Variants in NUDT3 observed in about 807,000 individuals in gnomAD.
NUDT3 encodes nudix hydrolase 3, also known as diphosphoinositol polyphosphate phosphohydrolase 1.
Under a neutral mutation model 23.6 loss-of-function variants are expected in NUDT3, and 9 were observed. The ratio of observed to expected loss-of-function variants is 0.38; its 90% CI spans 0.23 to 0.66. The LOEUF is 0.66. Ranked by LOEUF, NUDT3 falls within the 30% of genes least tolerant of loss-of-function variation. The pLI is 0.52. For synonymous variants in NUDT3, 86 were observed against 82.6 expected (o/e 1.04, Z -0.22); for missense variants, 172 against 218.5 (o/e 0.79, Z 1.34).
chr6:34,302,094 C>CA (rs1337277486), intron 2 of NUDT3, among the ~76,000 whole-genome samples: 30 of 152,112 alleles, frequency 2.0e-4, no homozygotes, highest in African/African-American at 6.7e-4. Flanking sequence ...TACAGTGGTG[C>CA]AATCATGGCT....
At chr6:34,374,590 T>C (rs566455981) in intron 1 of NUDT3, among the ~76,000 whole-genome samples, 5 of 152,310 alleles carry the variant, frequency 3.3e-5, no homozygotes, top group African/African-American at 1.2e-4. Context: ...TTTATACTCA[T>C]CCTTCAACAC....
chr6:34,288,745 G>A lies in NUDT3; in HGVS notation c.*8C>T. On this transcript the variant is annotated 3_prime_UTR_variant, in exon 5 of 5. Coordinates refer to ENST00000607016, the MANE Select transcript of NUDT3 (RefSeq NM_006703.4). ...CCAATTTCCATTTCTCTTACAGGAA[G>A]TCTTCAGTCATCTGATGCCTGACAT... 1.9e-6 allele frequency: 3 copies of A among 1,605,546 alleles called. No individual in the cohort carries two copies. The highest frequency in any genetic ancestry group is 2.5e-6 in the Non-Finnish European group (3 of 1,177,316).
At chr6:34,340,220 C>A (rs1764267723) in intron 2 of NUDT3, among the ~76,000 whole-genome samples, 1 of 152,182 alleles carries the variant, frequency 6.6e-6, no homozygotes, top group Non-Finnish European at 1.5e-5. Flanking sequence ...AAGGGAAGCA[C>A]TTGGGCTCTT....
intron 1 of NUDT3, among the ~76,000 whole-genome samples, chr6:34,356,707 GAA>G (rs55841266): frequency 6.6e-6 from 1 of 150,692 alleles, no homozygotes; most frequent in Admixed American, 6.6e-5. Context: ...AACTGAGGGG[GAA>G]AAAAAAATCA....
intron 2 of NUDT3, among the ~76,000 whole-genome samples, chr6:34,321,459 A>G (rs1360647951): frequency 6.6e-6 from 1 of 151,932 alleles, no homozygotes; most frequent in Non-Finnish European, 1.5e-5. Flanking sequence ...TAATAATAAA[A>G]TAATAATAAT....
chr6:34,348,307 A>G (rs1367305990), intron 1 of NUDT3, among the ~76,000 whole-genome samples: 1 of 151,464 alleles, frequency 6.6e-6, no homozygotes, highest in East Asian at 1.9e-4. Context: ...AAGCAACAAC[A>G]GAAACCGCCC....
intron 1 of NUDT3, among the ~76,000 whole-genome samples, chr6:34,347,772 C>CA (rs756549913): frequency 9.9e-5 from 15 of 151,346 alleles, no homozygotes; most frequent in Non-Finnish European, 1.8e-4. Flanking sequence ...AGTGAAAGAC[C>CA]AAAAAAAGAG....
intron 1 of NUDT3, among the ~76,000 whole-genome samples, chr6:34,379,151 C>T (rs1429173705): frequency 6.6e-6 from 1 of 152,170 alleles, no homozygotes; most frequent in East Asian, 1.9e-4. Context: ...ATAGAAAAGT[C>T]CACCTATATC....
intron 1 of NUDT3, among the ~76,000 whole-genome samples, chr6:34,384,387 C>T (rs1202856995): frequency 2.0e-5 from 3 of 152,282 alleles, no homozygotes; most frequent in African/African-American, 7.2e-5. Context: ...TCACACAATC[C>T]TATTAGTAGT....
At chr6:34,345,199 C>G (rs909200754) in intron 1 of NUDT3, among the ~76,000 whole-genome samples, 1 of 151,622 alleles carries the variant, frequency 6.6e-6, no homozygotes, top group Non-Finnish European at 1.5e-5. Context: ...CAGGTGCCCA[C>G]GACCACGTCC....
intron 4 of NUDT3, among the ~76,000 whole-genome samples, chr6:34,293,222 C>A (rs114137523): frequency 2.6e-3 from 390 of 152,284 alleles, no homozygotes; most frequent in African/African-American, 8.8e-3. Flanking sequence ...GCCACCACGC[C>A]GAGCTAAGTC....
chr6:34,352,335 A>G (rs1251691817), intron 1 of NUDT3, among the ~76,000 whole-genome samples: 1 of 152,024 alleles, frequency 6.6e-6, no homozygotes, highest in South Asian at 2.1e-4. Flanking sequence ...ACACCTGGGT[A>G]ATTTTTGCAT....
intron 2 of NUDT3, among the ~76,000 whole-genome samples, chr6:34,311,388 C>T (rs1418916162): frequency 6.6e-6 from 1 of 152,016 alleles, no homozygotes; most frequent in South Asian, 2.1e-4. Flanking sequence ...CACACATGTA[C>T]AAGATCTATA....
chr6:34,350,045 C>T (rs536934639), intron 1 of NUDT3, among the ~76,000 whole-genome samples: 6 of 149,710 alleles, frequency 4.0e-5, no homozygotes, highest in Non-Finnish European at 7.4e-5. Context: ...GCCGAGATCG[C>T]GCCACTGCAC....
intron 2 of NUDT3, among the ~76,000 whole-genome samples, chr6:34,296,475 G>A (rs907299529): frequency 6.6e-6 from 1 of 150,414 alleles, no homozygotes; most frequent in Non-Finnish European, 1.5e-5. Flanking sequence ...TCGGGAGGCT[G>A]AGGTGGGAGG....
intron 2 of NUDT3, among the ~76,000 whole-genome samples, chr6:34,335,752 GTTT>G (rs776418517): frequency 2.1e-5 from 3 of 141,436 alleles, no homozygotes; most frequent in African/African-American, 7.8e-5. Context: ...AAAATGCTGT[GTTT>G]TTTTTTTTTG....
intron 1 of NUDT3, among the ~76,000 whole-genome samples, chr6:34,372,758 C>T (rs1764852707): frequency 6.6e-6 from 1 of 151,806 alleles, no homozygotes; most frequent in Non-Finnish European, 1.5e-5. Context: ...GGGCCCAGAT[C>T]ATGCCATTGC....
chr6:34,308,157 A>T, intron 2 of NUDT3, among the ~76,000 whole-genome samples: 1 of 119,802 alleles, frequency 8.3e-6, no homozygotes, highest in Non-Finnish European at 1.7e-5. Flanking sequence ...AAAAAAAAAA[A>T]AAAAAAAAAA....
Position 34,297,718 on chromosome 6 carries a change from T to TAA in NUDT3, c.211-2035_211-2034dup, listed in dbSNP as rs200099331. The stretch of plus-strand genomic sequence containing the variant: ...TGCACATCACTACACCCGGCTAATG[T>TAA]AAAAAAAAAAAAATATATATATATA... On this transcript the variant is annotated intron_variant, in intron 2 of 4. Coordinates refer to ENST00000607016, the MANE Select transcript of NUDT3 (RefSeq NM_006703.4). Among the ~76,000 whole-genome samples, 305 of 78,666 alleles carry TAA rather than the reference T, an allele frequency of 3.9e-3. 5 individuals carry two copies. The highest frequency in any genetic ancestry group is 0.011 in the African/African-American group (227 of 20,802). The allele number at this position is 78,666 out of a possible 152,430, so 51.6% of individuals were successfully genotyped here.
Sources: allele counts gnomAD v4.1 joint callset (sites outside exome capture counted in the v4.1 genomes callset), GRCh38; gene constraint gnomAD v4.1.1; transcripts MANE v1.5; gene names NCBI Gene and HGNC (gene_info 2026-07-23, HGNC 2026-07-21).